Variants in C14orf39 observed in about 807,000 individuals in gnomAD.
C14orf39 encodes the protein chromosome 14 open reading frame 39.
In C14orf39, 66 loss-of-function variants were observed where a neutral mutation model predicts 85.6. The observed-to-expected ratio is 0.77, with a 90% CI of 0.63 to 0.95. The LOEUF is 0.95. Ranked by LOEUF, C14orf39 falls within the 40% of genes least tolerant of loss-of-function variation. The pLI is 0.00. For synonymous variants in C14orf39, 242 were observed against 214.0 expected (o/e 1.13, Z -1.14); for missense variants, 735 against 663.9 (o/e 1.11, Z -1.18).
rs573168799 is a variant in C14orf39, at chr14:60,452,734, G to A, written c.1503+2267C>T. Among the ~76,000 whole-genome samples the A allele has an allele frequency of 2.6e-5, 4 of 152,150 alleles. No individual in the cohort carries two copies. The East Asian group carries it at 7.7e-4, about 29-fold the overall frequency. Reference sequence around the variant, plus strand: ...ATGATATGATTATTTCACATTGCATGCCTGTATCAAAATATCTTAGGGAGC... The same window carrying A: ...ATGATATGATTATTTCACATTGCATACCTGTATCAAAATATCTTAGGGAGC... On this transcript the variant is annotated intron_variant, in intron 16 of 17. Transcript: ENST00000321731.
Position 60,502,004 on chromosome 14 carries a change from G to A in C14orf39, c.-143-2574C>T, listed in dbSNP as rs147879030. ...GAATTATGCTATCAGATAAGGAAACGGGGGCCCAAAATCATGTGGTTATTG... is the reference window on the plus strand; with the variant it reads ...GAATTATGCTATCAGATAAGGAAACAGGGGCCCAAAATCATGTGGTTATTG... On this transcript the variant is annotated intron_variant, in intron 1 of 5. Transcript: ENST00000556799. 1.2e-3 allele frequency among the ~76,000 whole-genome samples: 190 copies of A among 152,252 alleles called. 1 individual carries two copies. The highest frequency in any genetic ancestry group is 4.0e-3 in the African/African-American group (168 of 41,550).
At chr14:60,510,072 G>A (rs984305307) in intron 1 of C14orf39, 2 of 1,036,240 alleles carry the variant, frequency 1.9e-6, no homozygotes, top group Non-Finnish European at 2.9e-6. Context: ...CAATTCAGCA[G>A]GAGTTGGGAG....
In C14orf39 at chr14:60,466,905, C is replaced by A. The variant is rs575822652; in HGVS notation, c.895+12G>T. The A allele has an allele frequency of 1.8e-5, 27 of 1,460,248 alleles. 1 individual carries two copies. The East Asian group carries it at 6.4e-4, about 34-fold the overall frequency. The allele number at this position is 1,460,248 out of a possible 1,614,324, so 90.5% of individuals were successfully genotyped here. A position where few individuals can be genotyped will look rare whatever the true frequency, so the allele number is the denominator to read the frequency against. ...AAAAATGATGTTTTTGAATAACAAACAGATATTATACCTGCAACTCTTGGT... is the reference window on the plus strand; with the variant it reads ...AAAAATGATGTTTTTGAATAACAAAAAGATATTATACCTGCAACTCTTGGT... On this transcript the variant is annotated intron_variant, in intron 10 of 17. Transcript: ENST00000321731.
At chr14:60,455,475 G>C (rs1891229015) in intron 15 of C14orf39, among the ~76,000 whole-genome samples, 1 of 152,076 alleles carries the variant, frequency 6.6e-6, no homozygotes, top group Non-Finnish European at 1.5e-5. Flanking sequence ...AAAGGTGGCA[G>C]GTGAATGCAG....
chr14:60,462,177 C>T (rs1449146963), intron 11 of C14orf39, among the ~76,000 whole-genome samples: 2 of 151,856 alleles, frequency 1.3e-5, no homozygotes, highest in African/African-American at 2.4e-5. Flanking sequence ...GAGTTCAAGA[C>T]CAGCCTGTAC....
At position 60,484,794 on chromosome 14, in the gene C14orf39, A is replaced by G. The variant is rs901596730; in HGVS notation, c.106+87T>C. The G allele has an allele frequency of 2.2e-6, 2 of 915,646 alleles. No homozygotes were observed. Among genetic ancestry groups the G allele is most frequent in the African/African-American group, 1.7e-5 (1 of 58,624 alleles). 56.7% of individuals were successfully genotyped at this position (915,646 alleles called of 1,614,324 possible). A position where few individuals can be genotyped will look rare whatever the true frequency, so the allele number is the denominator to read the frequency against. On this transcript the variant is annotated intron_variant, in intron 3 of 17. Coordinates refer to ENST00000321731, the MANE Select transcript of C14orf39 (RefSeq NM_174978.3). The surrounding 1 kb of genome is among the most constrained non-coding windows in gnomAD (Gnocchi z 4.2). Reference sequence around the variant, plus strand: ...TGACACAAAAGTTATAACGCCAACAATAAGTTGCCCTAAACAGAGCAATTG... The same window carrying G: ...TGACACAAAAGTTATAACGCCAACAGTAAGTTGCCCTAAACAGAGCAATTG...
At chr14:60,501,121 G>A (rs1010449630) in intron 1 of C14orf39, among the ~76,000 whole-genome samples, 3 of 151,920 alleles carry the variant, frequency 2.0e-5, no homozygotes, top group Non-Finnish European at 4.4e-5. Context: ...AGGCAATATA[G>A]AGAGACCCTG....
At chr14:60,475,957 G>C (rs1238414550) in intron 5 of C14orf39, among the ~76,000 whole-genome samples, 1 of 152,096 alleles carries the variant, frequency 6.6e-6, no homozygotes, top group Non-Finnish European at 1.5e-5. Context: ...TCTCACCTTA[G>C]CAGATTAGAA....
intron 2 of C14orf39, chr14:60,496,130 G>A: frequency 2.0e-6 from 1 of 512,614 alleles, no homozygotes; most frequent in South Asian, 1.5e-5. Context: ...AAACCTGCTG[G>A]AACATGTGGC....
chr14:60,451,998 T>C (rs1412413008), intron 16 of C14orf39, among the ~76,000 whole-genome samples: 2 of 150,534 alleles, frequency 1.3e-5, no homozygotes, highest in Admixed American at 6.6e-5. Context: ...CTGGCCAACA[T>C]GGTGAAACCC....
chr14:60,446,953 C>T (rs922699980), intron 16 of C14orf39, among the ~76,000 whole-genome samples: 2 of 151,968 alleles, frequency 1.3e-5, no homozygotes, highest in African/African-American at 2.4e-5. Context: ...AAAAACCACA[C>T]GATTATCTCA....
intron 5 of C14orf39, 26 bp from the exon 6 acceptor site, chr14:60,471,765 T>C: frequency 7.4e-7 from 1 of 1,350,150 alleles, no homozygotes; most frequent in South Asian, 1.4e-5. Context: ...GAAATGATGT[T>C]TATATAACAA....
Position 60,484,039 on chromosome 14 carries a change from T to C in C14orf39, c.107-222A>G, listed in dbSNP as rs572534337. On this transcript the variant is annotated intron_variant, in intron 3 of 17. Transcript: ENST00000321731. The surrounding 1 kb of genome is among the most constrained non-coding windows in gnomAD (Gnocchi z 4.2). ...GCTAAGAAGATTTTCAGTTTGGGAA[T>C]GATGAAAAAATAAATGTCCCTTGTA... 6.6e-6 allele frequency among the ~76,000 whole-genome samples: 1 copy of C among 152,264 alleles called. No individual in the cohort carries two copies. Among genetic ancestry groups the C allele is most frequent in the African/African-American group, 2.4e-5 (1 of 41,548 alleles).
chr14:60,513,410 G>A (rs1159652423), intron 1 of C14orf39, among the ~76,000 whole-genome samples: 1 of 152,188 alleles, frequency 6.6e-6, no homozygotes, highest in African/African-American at 2.4e-5. Flanking sequence ...TCAAGGTTAT[G>A]CAAGTGCAGC....
At chr14:60,502,299 A>G (rs1170858091) in intron 1 of C14orf39, among the ~76,000 whole-genome samples, 4 of 152,208 alleles carry the variant, frequency 2.6e-5, no homozygotes, top group Non-Finnish European at 5.9e-5. Flanking sequence ...GAAGAAACAC[A>G]AAGGAGAAAA....
At chr14:60,511,420 T>A (rs931038337) in intron 1 of C14orf39, 2 of 762,820 alleles carry the variant, frequency 2.6e-6, no homozygotes, top group African/African-American at 1.7e-5. Flanking sequence ...GCGGCCGGCC[T>A]GGCTTCACTG....
intron 2 of C14orf39, chr14:60,496,005 G>A: frequency 1.9e-6 from 1 of 519,030 alleles, no homozygotes; most frequent in Non-Finnish European, 3.7e-6. Flanking sequence ...CAGTCCCAGG[G>A]ACAAAGAGCT....
At chr14:60,449,718 ATT>A (rs1890948409) in intron 16 of C14orf39, among the ~76,000 whole-genome samples, 1 of 151,634 alleles carries the variant, frequency 6.6e-6, no homozygotes, top group Admixed American at 6.6e-5. Flanking sequence ...GATTTCTCTT[ATT>A]TTGTTTCTTC....
At chr14:60,456,794 C>T in intron 15 of C14orf39, 123 bp downstream of exon 15, 1 of 768,618 alleles carries the variant, frequency 1.3e-6, no homozygotes, top group Non-Finnish European at 2.0e-6. Flanking sequence ...CTCTTCTTTG[C>T]ATGTCTGAAA....
Sources: gnomAD v4.1 joint callset for allele counts (sites outside exome capture counted in the v4.1 genomes callset) on GRCh38, gnomAD v4.1.1 for gene constraint, Gnocchi (gnomAD v3.1) non-coding constraint, MANE v1.5 for transcripts, NCBI Gene and HGNC (gene_info 2026-07-23, HGNC 2026-07-21) for gene names.